The following TENM4 variants were observed in gnomAD, a reference collection of about 807,000 sequenced individuals.
TENM4 encodes the protein teneurin transmembrane protein 4, also known as teneurin-4.
In TENM4, 82 loss-of-function variants were observed where a neutral mutation model predicts 243.3. The observed-to-expected ratio is 0.34, with a 90% CI of 0.28 to 0.40. TENM4 has a LOEUF of 0.40. Among genes scored for constraint, TENM4 ranks in the 10% least tolerant of loss-of-function variants. The pLI is 1.00. For synonymous variants in TENM4, 1,412 were observed against 1,456.3 expected, an observed-to-expected ratio of 0.97 and a Z score of 0.69; for missense variants, 3,138 against 3,673.3, an observed-to-expected ratio of 0.85 and a Z score of 3.77.
intron 1 of TENM4, among the ~76,000 whole-genome samples, chr11:79,357,564 A>G (rs1266392318): frequency 1.3e-5 from 2 of 152,212 alleles, no homozygotes; most frequent in Non-Finnish European, 2.9e-5. Context: ...CCTGCTCTTG[A>G]ACATGGTGGT....
At chr11:79,310,177 A>G (rs556844695) in intron 1 of TENM4, among the ~76,000 whole-genome samples, 1 of 152,316 alleles carries the variant, frequency 6.6e-6, no homozygotes, top group South Asian at 2.1e-4. Context: ...CAGATGCCAA[A>G]TGAAACAGAG....
rs537976198 is a variant in TENM4 at position 78,677,862 on chromosome 11, C to T, written c.5261-1475G>A. 9.4e-5 allele frequency among the ~76,000 whole-genome samples: 13 copies of T among 138,186 alleles called. No homozygotes were observed. In the South Asian group the frequency reaches 1.5e-3, roughly 16 times the overall value. 90.7% of individuals were successfully genotyped at this position (138,186 alleles called of 152,430 possible). A position where few individuals can be genotyped will look rare whatever the true frequency, so the allele number is the denominator to read the frequency against. On this transcript the variant is annotated intron_variant, in intron 29 of 33. Transcript: ENST00000278550. ...TATGTATACATGTGCCATGCTGGTG[C>T]GCTGCACCCACTAATGTGTCATCTA... is the stretch of plus-strand genomic sequence containing the variant.
rs565641419 is a variant in TENM4, at chr11:78,983,300, A to G, written c.494-79777T>C. Among the ~76,000 whole-genome samples, 7 of 152,290 alleles carry G rather than the reference A, an allele frequency of 4.6e-5. No individual in the cohort carries two copies. The South Asian group carries it at 1.5e-3, about 32-fold the overall frequency. On this transcript the variant is annotated intron_variant, in intron 6 of 33. Transcript: ENST00000278550. ...ATAGACCAGTGATGCTGCCCTCAGGAAACTTACCAAAGAGTGGGTTGCCCA... is the reference window on the plus strand; with the variant it reads ...ATAGACCAGTGATGCTGCCCTCAGGGAACTTACCAAAGAGTGGGTTGCCCA...
At chr11:79,243,683 A>G (rs2135286773) in intron 2 of TENM4, among the ~76,000 whole-genome samples, 1 of 152,342 alleles carries the variant, frequency 6.6e-6, no homozygotes, top group Non-Finnish European at 1.5e-5. Context: ...AACAGTGCCG[A>G]GAGCCTCCCG....
intron 6 of TENM4, among the ~76,000 whole-genome samples, chr11:78,993,884 C>T (rs1858104860): frequency 6.6e-6 from 1 of 152,140 alleles, no homozygotes; most frequent in African/African-American, 2.4e-5. Context: ...TATGAGTTCC[C>T]TATCCTTCTT....
chr11:79,179,418 C>T (rs1385736491), intron 3 of TENM4, among the ~76,000 whole-genome samples: 4 of 152,114 alleles, frequency 2.6e-5, no homozygotes, highest in Admixed American at 2.0e-4. Flanking sequence ...TGACAGAGTC[C>T]CAACAAAGTC....
intron 16 of TENM4, among the ~76,000 whole-genome samples, chr11:78,784,239 G>A (rs1403297969): frequency 6.6e-6 from 1 of 152,174 alleles, no homozygotes; most frequent in Non-Finnish European, 1.5e-5. Flanking sequence ...CTCACAGGGA[G>A]TAAAGTTCTC....
intron 12 of TENM4, among the ~76,000 whole-genome samples, chr11:78,848,900 A>T (rs1485005305): frequency 6.6e-6 from 1 of 152,228 alleles, no homozygotes; most frequent in African/African-American, 2.4e-5. Flanking sequence ...CTGGACATAA[A>T]GAACAGACTG....
At chr11:78,808,816 T>A (rs1214582631) in intron 14 of TENM4, among the ~76,000 whole-genome samples, 1 of 152,122 alleles carries the variant, frequency 6.6e-6, no homozygotes, top group Non-Finnish European at 1.5e-5. Flanking sequence ...TGCCTGATAA[T>A]TAAAAATAAT....
At chr11:79,176,736 T>C (rs1863165311) in intron 3 of TENM4, among the ~76,000 whole-genome samples, 1 of 152,188 alleles carries the variant, frequency 6.6e-6, no homozygotes. Context: ...ATTTAGTATA[T>C]AGTAATATAT....
intron 19 of TENM4, among the ~76,000 whole-genome samples, chr11:78,746,940 A>C (rs985673630): frequency 2.1e-4 from 32 of 152,336 alleles, no homozygotes; most frequent in African/African-American, 7.2e-4. Flanking sequence ...GCCTTCTGTC[A>C]GGGACAGGGC....
Position 79,173,310 on chromosome 11 carries a change from T to C in TENM4, c.-162-24504A>G, listed in dbSNP as rs889642330. ...CCATTAGTGTTCTTGTGAGCCATCT[T>C]GCCCCTTTGGTCACAGGTAGTGGTA... is the stretch of plus-strand genomic sequence containing the variant. On this transcript the variant is annotated intron_variant, in intron 3 of 33. Transcript: ENST00000278550. Among the ~76,000 whole-genome samples, 3 of 152,280 alleles carry C rather than the reference T, an allele frequency of 2.0e-5. No homozygotes were observed. The East Asian group carries it at 5.8e-4, about 29-fold the overall frequency.
intron 7 of TENM4, among the ~76,000 whole-genome samples, chr11:78,900,211 T>C (rs1228104355): frequency 6.6e-6 from 1 of 152,256 alleles, no homozygotes. Flanking sequence ...GTCATTTGTT[T>C]GTTGTGCAGC....
Position 78,957,167 on chromosome 11 carries a change from T to G in TENM4, c.494-53644A>C, listed in dbSNP as rs191851712. 2.0e-5 allele frequency among the ~76,000 whole-genome samples: 3 copies of G among 152,326 alleles called. No homozygotes were observed. In the East Asian group the frequency reaches 5.8e-4, roughly 29 times the overall value. ...CATAGCTGGTGTAGTAAGAATTTAT[T>G]TACCAACGAGGGTCTTTTGCTGCAA... On this transcript the variant is annotated intron_variant, in intron 6 of 33. Transcript: ENST00000278550.
chr11:79,036,491 C>A (rs187730973), intron 6 of TENM4, among the ~76,000 whole-genome samples: 3 of 152,290 alleles, frequency 2.0e-5, no homozygotes, highest in African/African-American at 7.2e-5. Flanking sequence ...GAGCAGCAGA[C>A]ATCATGACCA....
chr11:78,930,805 C>T (rs1856650688), intron 6 of TENM4, among the ~76,000 whole-genome samples: 1 of 152,212 alleles, frequency 6.6e-6, no homozygotes, highest in African/African-American at 2.4e-5. Context: ...AGAGCCCTTT[C>T]TTCTGACTGT....
In TENM4 at chr11:78,903,372, G is replaced by T. The variant is rs1442400970; in HGVS notation, c.645C>A (p.Pro215=). Residue 215 remains proline (P), a synonymous_variant, in exon 7 of 34, where the codon CCC becomes CCA. Coordinates refer to ENST00000278550, the MANE Select transcript of TENM4 (RefSeq NM_001098816.3). ...GCTCTCCGGAGAGCGAGTGGTCCGT[G>T]GGGGCCGGGCTGGGGTTGCTCCTCG... The part of the protein sequence containing the change: ...FTPRSNPSPA[P]TDHSLSGEPP... The T allele has an allele frequency of 1.3e-5, 20 of 1,517,024 alleles. No homozygotes were observed. The African/African-American group carries it at 1.4e-4, about 11-fold the overall frequency. 94.0% of individuals were successfully genotyped at this position (1,517,024 alleles called of 1,614,324 possible).
chr11:78,826,351 T>A (rs575222531), intron 12 of TENM4, among the ~76,000 whole-genome samples: 1 of 152,094 alleles, frequency 6.6e-6, no homozygotes, highest in Non-Finnish European at 1.5e-5. Context: ...CCTCCCAAAG[T>A]GTTGGGATTA....
chr11:78,692,821 C>T (rs527292020), intron 28 of TENM4, among the ~76,000 whole-genome samples: 38 of 152,320 alleles, frequency 2.5e-4, no homozygotes, highest in African/African-American at 8.7e-4. Context: ...AATGCTCTTC[C>T]CTCCAGTGTT....
Sources: allele counts gnomAD v4.1 joint callset (sites outside exome capture counted in the v4.1 genomes callset), GRCh38; gene constraint gnomAD v4.1.1; transcripts MANE v1.5; gene names NCBI Gene and HGNC (gene_info 2026-07-23, HGNC 2026-07-21).